The following MACROD2 variants were observed in gnomAD, a reference collection of about 807,000 sequenced individuals.
The protein encoded by MACROD2 is mono-ADP ribosylhydrolase 2, also known as ADP-ribose glycohydrolase MACROD2.
Under a neutral mutation model 70.4 loss-of-function variants are expected in MACROD2, and 36 were observed. The ratio of observed to expected loss-of-function variants is 0.51; its 90% confidence interval spans 0.39 to 0.68. MACROD2 has a LOEUF of 0.68. Among genes scored for constraint, MACROD2 ranks in the 30% least tolerant of loss-of-function variants. The pLI is 0.00. For synonymous variants in MACROD2, 172 were observed against 178.8 expected, an observed-to-expected ratio of 0.96 and a Z score of 0.30; for missense variants, 496 against 538.4, an observed-to-expected ratio of 0.92 and a Z score of 0.78.
chr20:14,511,266 G>A (rs1252520232), intron 4 of MACROD2, among the ~76,000 whole-genome samples: 1 of 148,996 alleles, frequency 6.7e-6, no homozygotes, highest in African/African-American at 2.6e-5. Context: ...ATAACTGAAA[G>A]AGTGTATTTG....
intron 5 of MACROD2, among the ~76,000 whole-genome samples, chr20:15,101,570 C>T (rs1346597102): frequency 8.0e-6 from 1 of 124,820 alleles, no homozygotes; most frequent in African/African-American, 3.1e-5. Context: ...TAATTGACAG[C>T]ACTAAACATT....
intron 3 of MACROD2, among the ~76,000 whole-genome samples, chr20:14,446,583 T>C (rs2084185221): frequency 1.3e-5 from 2 of 152,110 alleles, no homozygotes; most frequent in Admixed American, 6.5e-5. Context: ...ACTTCTACAC[T>C]TATGTCTCCA....
At chr20:14,719,753 A>G (rs1422672770) in intron 5 of MACROD2, among the ~76,000 whole-genome samples, 1 of 152,194 alleles carries the variant, frequency 6.6e-6, no homozygotes, top group Non-Finnish European at 1.5e-5. Flanking sequence ...TCAGTTGGAA[A>G]TTGTAGTTTA....
At position 16,020,467 on chromosome 20, in the gene MACROD2, G is replaced by T. The variant is rs144522455; in HGVS notation, c.1154-20734G>T. ...TTCAGAATAATCCTTAATTACTTTG[G>T]CTTGTAATCACATCAGTCTGTGGAA... On this transcript the variant is annotated intron_variant, in intron 15 of 17. Transcript: ENST00000684519. 7.3e-3 allele frequency among the ~76,000 whole-genome samples: 1,101 copies of T among 151,530 alleles called. 8 individuals are homozygous for T. Among genetic ancestry groups the T allele is most frequent in the Middle Eastern group, 0.034 (10 of 294 alleles).
At chr20:14,810,470 C>T (rs2072695563) in intron 5 of MACROD2, among the ~76,000 whole-genome samples, 1 of 152,002 alleles carries the variant, frequency 6.6e-6, no homozygotes, top group South Asian at 2.1e-4. Context: ...ATGAAAAACC[C>T]ACAGCCAATA....
At chr20:14,327,414 A>G (rs1049419358) in intron 3 of MACROD2, 43 of 1,613,546 alleles carry the variant, frequency 2.7e-5, no homozygotes, top group Non-Finnish European at 3.5e-5. Context: ...ACACAGATGG[A>G]CAGGATTTAG....
Position 15,328,672 on chromosome 20 carries a change from A to G in MACROD2, c.540+98611A>G, listed in dbSNP as rs2077958594. 2.0e-5 allele frequency among the ~76,000 whole-genome samples: 3 copies of G among 152,082 alleles called. No individual in the cohort carries two copies. The South Asian group carries it at 6.2e-4, about 31-fold the overall frequency. ...CCATATCAGTGGACTTGCCCTGATC[A>G]TTTTCTTAATCTTACATTAACACAC... On this transcript the variant is annotated intron_variant, in intron 6 of 17. Transcript: ENST00000684519.
intron 5 of MACROD2, among the ~76,000 whole-genome samples, chr20:15,152,604 G>A (rs1270179814): frequency 1.3e-5 from 2 of 150,518 alleles, no homozygotes; most frequent in Non-Finnish European, 3.0e-5. Context: ...GGGTTGAGGG[G>A]TTCTTGCCTC....
intron 6 of MACROD2, among the ~76,000 whole-genome samples, chr20:15,375,938 A>G (rs2146268988): frequency 6.6e-6 from 1 of 152,198 alleles, no homozygotes; most frequent in Middle Eastern, 3.4e-3. Context: ...TCCCTCTACA[A>G]CAACAGTAAT....
chr20:15,598,401 A>G (rs1182079135), intron 8 of MACROD2, among the ~76,000 whole-genome samples: 1 of 152,152 alleles, frequency 6.6e-6, no homozygotes, highest in Non-Finnish European at 1.5e-5. Flanking sequence ...AGACAAAATT[A>G]AGTTGCTTTG....
intron 7 of MACROD2, among the ~76,000 whole-genome samples, chr20:15,447,005 T>A (rs1477780259): frequency 6.6e-6 from 1 of 152,002 alleles, no homozygotes; most frequent in Non-Finnish European, 1.5e-5. Flanking sequence ...TAAAGATACC[T>A]CTGCACATGT....
intron 5 of MACROD2, among the ~76,000 whole-genome samples, chr20:15,094,217 A>G (rs1376387290): frequency 6.6e-6 from 1 of 152,194 alleles, no homozygotes; most frequent in Admixed American, 6.5e-5. Flanking sequence ...AATAACTTTA[A>G]TGAATACAAA....
At chr20:14,650,666 A>T (rs541123733) in intron 4 of MACROD2, among the ~76,000 whole-genome samples, 2 of 152,298 alleles carry the variant, frequency 1.3e-5, no homozygotes, top group South Asian at 4.1e-4. Context: ...CTTAATGGAG[A>T]TTAGTTCCTT....
intron 3 of MACROD2, among the ~76,000 whole-genome samples, chr20:14,363,091 C>T (rs917410817): frequency 1.3e-5 from 2 of 152,178 alleles, no homozygotes; most frequent in African/African-American, 2.4e-5. Context: ...CTCAGCTCCA[C>T]CTCTTCACCT....
intron 5 of MACROD2, among the ~76,000 whole-genome samples, chr20:15,045,719 GTTTTTTTTTTTTT>G (rs71335981): frequency 1.5e-4 from 11 of 73,384 alleles, no homozygotes; most frequent in Non-Finnish European, 2.5e-4. Flanking sequence ...CCAGACCAGG[GTTTTTTTTTTTTT>G]TTTTTTTTTT....
In MACROD2 at chr20:15,321,134, T is replaced by C. The variant is rs763112976; in HGVS notation, c.540+91073T>C. 1.4e-5 allele frequency among the ~76,000 whole-genome samples: 2 copies of C among 146,168 alleles called. 1 individual carries two copies. Among genetic ancestry groups the C allele is most frequent in the African/African-American group, 4.9e-5 (2 of 40,864 alleles). On this transcript the variant is annotated intron_variant, in intron 6 of 17. Transcript: ENST00000684519. ...TGACAGGCCACTCGTTGTGGCCTTATGGCAAAGTCAGTTGATAGGGCTGCC... is the reference window on the plus strand; with the variant it reads ...TGACAGGCCACTCGTTGTGGCCTTACGGCAAAGTCAGTTGATAGGGCTGCC...
chr20:15,881,832 T>G (rs1238577454), intron 9 of MACROD2, among the ~76,000 whole-genome samples: 1 of 152,094 alleles, frequency 6.6e-6, no homozygotes. Context: ...TACCCAGAAA[T>G]GAACAAGAAC....
At chr20:14,752,403 T>C (rs1222049890) in intron 5 of MACROD2, among the ~76,000 whole-genome samples, 2 of 152,018 alleles carry the variant, frequency 1.3e-5, no homozygotes, top group Admixed American at 6.6e-5. Context: ...AGACTCATCC[T>C]CAACACTTCT....
chr20:14,957,897 T>G (rs1234652301), intron 5 of MACROD2, among the ~76,000 whole-genome samples: 2 of 151,762 alleles, frequency 1.3e-5, no homozygotes, highest in Non-Finnish European at 3.0e-5. Context: ...AGTTTTATTT[T>G]TCAATTACTT....
Sources: allele counts gnomAD v4.1 joint callset (sites outside exome capture counted in the v4.1 genomes callset), GRCh38; gene constraint gnomAD v4.1.1; transcripts MANE v1.5; gene names NCBI Gene and HGNC (gene_info 2026-07-23, HGNC 2026-07-21).